Variants in IGSF10 observed in about 807,000 individuals in gnomAD.
IGSF10 encodes the protein immunoglobulin superfamily member 10, also known as calvaria mechanical force protein 608.
In IGSF10, 126 loss-of-function variants were observed where a neutral mutation model predicts 128.2. The observed-to-expected ratio is 0.98, with a 90% CI of 0.85 to 1.14. IGSF10 has a LOEUF of 1.14. IGSF10 is among the 50% of genes most tolerant of loss of function. The pLI is 0.00. For synonymous variants in IGSF10, 1,185 were observed against 1,146.2 expected (o/e 1.03, Z -0.68); for missense variants, 3,295 against 3,149.8 (o/e 1.05, Z -1.10).
At chr3:151,557,024 G>A in the IGSF10 span, among the ~76,000 whole-genome samples, 15 of 152,248 alleles carry the variant, frequency 9.9e-5, no homozygotes, top group Non-Finnish European at 1.8e-4. Flanking sequence ...CAAAAGGTGC[G>A]GTAAGGGGAG....
the IGSF10 span, among the ~76,000 whole-genome samples, chr3:151,612,436 T>C: frequency 6.6e-6 from 1 of 152,164 alleles, no homozygotes; most frequent in African/African-American, 2.4e-5. Flanking sequence ...CAGGTGGTGA[T>C]TAGCCTCCAA....
the IGSF10 span, chr3:151,499,614 C>T: frequency 6.6e-6 from 1 of 152,120 alleles, no homozygotes; most frequent in Non-Finnish European, 1.5e-5. Context: ...ACAAAAAATT[C>T]TTAAGACCCA....
downstream of IGSF10, chr3:151,435,870 T>TAA (rs1560165589): frequency 6.6e-6 from 1 of 151,798 alleles, no homozygotes; most frequent in East Asian, 1.9e-4. Context: ...TCCCATCCCA[T>TAA]AAAGAATTAA....
At chr3:151,513,094 A>G in the IGSF10 span, among the ~76,000 whole-genome samples, 1 of 152,142 alleles carries the variant, frequency 6.6e-6, no homozygotes, top group African/African-American at 2.4e-5. Context: ...AAAAGAGGGA[A>G]TCCTCCCTAA....
downstream of IGSF10, chr3:151,434,101 G>T (rs1407226317): frequency 6.6e-6 from 1 of 152,364 alleles, no homozygotes; most frequent in African/African-American, 2.4e-5. Flanking sequence ...TAAAACATAT[G>T]TGGGGGATAT....
chr3:151,453,992 G>T (rs1295676941), intron 4 of IGSF10, among the ~76,000 whole-genome samples: 2 of 149,414 alleles, frequency 1.3e-5, no homozygotes, highest in South Asian at 4.2e-4. Context: ...TAAGGAATGA[G>T]ATATATATAT....
the IGSF10 span, among the ~76,000 whole-genome samples, chr3:151,485,406 A>G: frequency 2.6e-5 from 4 of 152,224 alleles, no homozygotes; most frequent in African/African-American, 9.6e-5. Context: ...GAACTTCCCC[A>G]ATCTAGCAAG....
chr3:151,561,518 T>C, the IGSF10 span, among the ~76,000 whole-genome samples: 9 of 152,304 alleles, frequency 5.9e-5, no homozygotes, highest in African/African-American at 2.2e-4. Context: ...GGTGACTCTT[T>C]TGTAAATATA....
chr3:151,502,917 G>A, the IGSF10 span, among the ~76,000 whole-genome samples: 2 of 152,006 alleles, frequency 1.3e-5, no homozygotes, highest in African/African-American at 4.8e-5. Flanking sequence ...TATTTTGAAA[G>A]GCTTTTTAGT....
the IGSF10 span, among the ~76,000 whole-genome samples, chr3:151,509,837 A>G: frequency 4.5e-3 from 687 of 152,296 alleles, 5 homozygotes; most frequent in Non-Finnish European, 7.2e-3. Context: ...TATCCTGCAC[A>G]TGGCTCAGAG....
Position 151,445,181 on chromosome 3 carries a change from C to T in IGSF10, c.4800G>A (p.Leu1600=), listed in dbSNP as rs764868245. The T allele has an allele frequency of 3.1e-6, 5 of 1,614,268 alleles. No individual in the cohort carries two copies. The highest frequency in any genetic ancestry group is 2.2e-5 in the South Asian group (2 of 91,088). ...CTGAAACAAGAGTGGTGGCCTCGGA[C>T]AGGCCTGTAGTAGCCAACATGCTTA... ...PEVSMLATTG[L]SEATTLVSDW... is the part of the protein sequence containing the mutation. The change falls in exon 6 of 8, where the codon CTG becomes CTA. Residue 1600 remains leucine (L), a synonymous_variant. Transcript: ENST00000282466.
the IGSF10 span, among the ~76,000 whole-genome samples, chr3:151,524,660 A>G: frequency 6.6e-6 from 1 of 152,162 alleles, no homozygotes; most frequent in South Asian, 2.1e-4. Flanking sequence ...AGAGGAACAG[A>G]GAAGATAACT....
At chr3:151,539,767 T>TCTATCTATCTATCTATCTATCTAA in the IGSF10 span, among the ~76,000 whole-genome samples, 3 of 62,856 alleles carry the variant, frequency 4.8e-5, no homozygotes, top group Non-Finnish European at 1.0e-4. Flanking sequence ...TTCAACAGCA[T>TCTATCTATCTATCTATCTATCTAA]CTATCTATCT....
the IGSF10 span, among the ~76,000 whole-genome samples, chr3:151,513,380 A>G: frequency 6.6e-6 from 1 of 152,212 alleles, no homozygotes; most frequent in African/African-American, 2.4e-5. Flanking sequence ...CTACATGATT[A>G]TCTCAATAGA....
chr3:151,515,024 T>C, the IGSF10 span, among the ~76,000 whole-genome samples: 1 of 152,204 alleles, frequency 6.6e-6, no homozygotes, highest in Admixed American at 6.5e-5. Flanking sequence ...TTGGTGGGAC[T>C]GTTAACTAGT....
At chr3:151,553,391 G>A in the IGSF10 span, among the ~76,000 whole-genome samples, 1 of 151,708 alleles carries the variant, frequency 6.6e-6, no homozygotes, top group Non-Finnish European at 1.5e-5. Context: ...TTTTAAGTTG[G>A]AAAACTATTC....
At chr3:151,464,079 A>G (rs1179791881), upstream of IGSF10, among the ~76,000 whole-genome samples, 1 of 152,236 alleles carries the variant, frequency 6.6e-6, no homozygotes, top group Non-Finnish European at 1.5e-5. Flanking sequence ...TGCAGAAGTT[A>G]ATTGAGTGTA....
At chr3:151,606,418 G>A in the IGSF10 span, among the ~76,000 whole-genome samples, 2 of 152,108 alleles carry the variant, frequency 1.3e-5, no homozygotes, top group East Asian at 3.9e-4. Flanking sequence ...GTTTAGGATT[G>A]TACATGACCC....
At chr3:151,571,092 A>G in the IGSF10 span, among the ~76,000 whole-genome samples, 1 of 151,660 alleles carries the variant, frequency 6.6e-6, no homozygotes, top group African/African-American at 2.4e-5. Flanking sequence ...CCATTGGTCC[A>G]TTGGTTTTGG....
Sources: allele counts gnomAD v4.1 joint callset (sites outside exome capture counted in the v4.1 genomes callset), GRCh38; gene constraint gnomAD v4.1.1; transcripts MANE v1.5; gene names NCBI Gene and HGNC (gene_info 2026-07-23, HGNC 2026-07-21).